The following PCDHGA6 variants were observed in gnomAD, a reference collection of about 807,000 sequenced individuals.
PCDHGA6 encodes the protein protocadherin gamma subfamily A, 6.
Under a neutral mutation model 60.6 loss-of-function variants are expected in PCDHGA6, and 41 were observed. The ratio of observed to expected loss-of-function variants is 0.68; its 90% CI spans 0.53 to 0.88. PCDHGA6 has a LOEUF of 0.88. Ranked by LOEUF, PCDHGA6 falls within the 40% of genes least tolerant of loss-of-function variation. The probability of loss-of-function intolerance (pLI) is 0.00; values close to 1 mark genes in which losing one functional copy is unlikely to be tolerated. For missense variants in PCDHGA6, 1,312 were observed against 1,203.0 expected, an observed-to-expected ratio of 1.09 and a Z score of -1.34; for synonymous variants, 594 against 524.4, an observed-to-expected ratio of 1.13 and a Z score of -1.81.
intron 1 of PCDHGA6, chr5:141,378,129 A>G (rs974715464): frequency 1.3e-5 from 2 of 152,224 alleles, no homozygotes; most frequent in African/African-American, 4.8e-5. Context: ...GTATTTGTTG[A>G]CATCACCATT....
At chr5:141,440,106 T>A (rs1288263875) in intron 1 of PCDHGA6, 1 of 152,228 alleles carries the variant, frequency 6.6e-6, no homozygotes, top group East Asian at 1.9e-4. Flanking sequence ...AGTGGAGACT[T>A]ACTTGTGAAT....
Position 141,375,036 on chromosome 5 carries a change from G to GT in PCDHGA6, c.954dup (p.Val319CysfsTer2), listed in dbSNP as rs747497967. 1.9e-6 allele frequency: 3 copies of GT among 1,614,002 alleles called. No homozygotes were observed. Among genetic ancestry groups the GT allele is most frequent in the Non-Finnish European group, 2.5e-6 (3 of 1,179,892 alleles). On this transcript the variant is annotated frameshift_variant, in exon 1 of 4. Transcript: ENST00000517434. LOFTEE classifies it high-confidence loss of function. ...GAGGACTCGAGTTTTTATGAGCTGGGTGTTGAAGCCCGGGATGGGCCAGGT... is the reference window on the plus strand; with the variant it reads ...GAGGACTCGAGTTTTTATGAGCTGGGTTGTTGAAGCCCGGGATGGGCCAGGT...
chr5:141,394,184 C>G, intron 1 of PCDHGA6: 1 of 1,613,944 alleles, frequency 6.2e-7, no homozygotes, highest in Non-Finnish European at 8.5e-7. Context: ...ATGCCTCCTA[C>G]TCAGCGTATA....
chr5:141,489,085 G>A lies in PCDHGA6; in HGVS notation c.2425-5722G>A, dbSNP rs1347512723. The A allele has an allele frequency of 2.6e-5, 6 of 230,066 alleles. No homozygotes were observed. The South Asian group carries it at 4.3e-4, about 16-fold the overall frequency. 14.3% of individuals were successfully genotyped at this position (230,066 alleles called of 1,614,324 possible). A position where few individuals can be genotyped will look rare whatever the true frequency, so the allele number is the denominator to read the frequency against. Reference sequence around the variant, plus strand: ...TCCCCCCTGCCCACCCCCGCCACTCGGTGACTAAGAACTGCTGCAAGCAGG... The same window carrying A: ...TCCCCCCTGCCCACCCCCGCCACTCAGTGACTAAGAACTGCTGCAAGCAGG... On this transcript the variant is annotated intron_variant, in intron 1 of 3. Coordinates refer to ENST00000517434, the MANE Select transcript of PCDHGA6 (RefSeq NM_018919.3). The surrounding 1 kb of genome is among the most constrained non-coding windows in gnomAD (Gnocchi z 4.5).
chr5:141,435,603 T>C (rs1195458514), intron 1 of PCDHGA6, among the ~76,000 whole-genome samples: 1 of 152,218 alleles, frequency 6.6e-6, no homozygotes, highest in African/African-American at 2.4e-5. Flanking sequence ...GCCTGCTTTT[T>C]ACATTAAATT....
At chr5:141,412,729 T>C (rs1411212101) in intron 1 of PCDHGA6, 1 of 153,332 alleles carries the variant, frequency 6.5e-6, no homozygotes, top group Non-Finnish European at 1.5e-5. Flanking sequence ...GAAAACGTGT[T>C]GCAAATATAT....
chr5:141,471,658 G>T (rs1354815239), intron 1 of PCDHGA6: 1 of 152,106 alleles, frequency 6.6e-6, no homozygotes, highest in Admixed American at 6.5e-5. Flanking sequence ...ATGTGGGGAT[G>T]CAGAAAAAAA....
At chr5:141,438,136 A>C (rs2097931548) in intron 1 of PCDHGA6, among the ~76,000 whole-genome samples, 1 of 152,186 alleles carries the variant, frequency 6.6e-6, no homozygotes, top group Non-Finnish European at 1.5e-5. Flanking sequence ...TAATGGCAAA[A>C]GATAGCCAGC....
chr5:141,387,088 C>T (rs2090815090), intron 1 of PCDHGA6, among the ~76,000 whole-genome samples: 2 of 152,074 alleles, frequency 1.3e-5, no homozygotes, highest in Non-Finnish European at 1.5e-5. Context: ...CTGTGATCAT[C>T]GAAATGAGAA....
At chr5:141,409,050 G>C (rs371257178) in intron 1 of PCDHGA6, 1 of 1,613,988 alleles carries the variant, frequency 6.2e-7, no homozygotes. Context: ...TACTTCCGAA[G>C]CACTGCCCAG....
Position 141,413,494 on chromosome 5 carries a change from G to T in PCDHGA6, c.2424+36987G>T, listed in dbSNP as rs778441176. On this transcript the variant is annotated intron_variant, in intron 1 of 3. Transcript: ENST00000517434. ...GCTCTGCGCTCAGAGCGCGCGGTGCGTGGTGAGTTTTAATATCCTTGTGGA... is the reference window on the plus strand; with the variant it reads ...GCTCTGCGCTCAGAGCGCGCGGTGCTTGGTGAGTTTTAATATCCTTGTGGA... The T allele has an allele frequency of 5.0e-6, 8 of 1,614,042 alleles. No individual in the cohort carries two copies. The East Asian group carries it at 1.3e-4, about 27-fold the overall frequency.
intron 1 of PCDHGA6, chr5:141,405,082 G>C: frequency 6.2e-7 from 1 of 1,613,794 alleles, no homozygotes; most frequent in East Asian, 2.2e-5. Context: ...TCGTTATCAC[G>C]CTGCTGGCCC....
chr5:141,462,668 T>C (rs778396861), intron 1 of PCDHGA6, among the ~76,000 whole-genome samples: 10 of 152,232 alleles, frequency 6.6e-5, no homozygotes, highest in Non-Finnish European at 1.5e-4. Flanking sequence ...CTTCATATTT[T>C]TCTTTAAATT....
intron 1 of PCDHGA6, chr5:141,397,972 G>T: frequency 2.6e-6 from 3 of 1,155,564 alleles, no homozygotes; most frequent in Non-Finnish European, 3.6e-6. Flanking sequence ...ACTCCCCAGC[G>T]CCGGCCTTTA....
At chr5:141,422,503 A>G (rs2096653107) in intron 1 of PCDHGA6, 2 of 1,613,924 alleles carry the variant, frequency 1.2e-6, no homozygotes, top group Non-Finnish European at 1.7e-6. Context: ...GTTGACAGCC[A>G]CAGACCAGGG....
chr5:141,409,828 C>CG (rs2095322406), intron 1 of PCDHGA6: 1 of 1,611,010 alleles, frequency 6.2e-7, no homozygotes, highest in African/African-American at 1.3e-5. Flanking sequence ...CGCCCACGCT[C>CG]AGCGCCAACG....
rs926566427 is a variant in PCDHGA6, at chr5:141,505,127, A to T, written c.2484-266A>T. Among the ~76,000 whole-genome samples, 9 of 152,158 alleles carry T rather than the reference A, an allele frequency of 5.9e-5. No homozygotes were observed. The East Asian group carries it at 1.5e-3, about 26-fold the overall frequency. The stretch of plus-strand genomic sequence containing the variant: ...CAATGAGCCAAGATCGCGCCACTGC[A>T]CTCCAGCCTGGATGACAGAGTAAGA... On this transcript the variant is annotated intron_variant, in intron 2 of 3. Transcript: ENST00000517434.
intron 1 of PCDHGA6, among the ~76,000 whole-genome samples, chr5:141,448,861 C>T (rs1017826063): frequency 2.0e-5 from 3 of 152,118 alleles, no homozygotes; most frequent in African/African-American, 7.2e-5. Flanking sequence ...AGGAGAATGG[C>T]GTGAACCTGG....
chr5:141,489,701 T>C lies in PCDHGA6; in HGVS notation c.2425-5106T>C, dbSNP rs1038902932. The C allele has an allele frequency of 1.9e-6, 3 of 1,614,128 alleles. No homozygotes were observed. The highest frequency in any genetic ancestry group is 2.5e-6 in the Non-Finnish European group (3 of 1,179,944). On this transcript the variant is annotated intron_variant, in intron 1 of 3. Transcript: ENST00000517434. The surrounding 1 kb of genome is among the most constrained non-coding windows in gnomAD (Gnocchi z 4.5). ...GCAGCATCTGGGGCACGATTCCCAC[T>C]GGACAGTGCCCAGGATCCGGATGTG...
Sources: allele counts gnomAD v4.1 joint callset (sites outside exome capture counted in the v4.1 genomes callset), GRCh38; gene constraint gnomAD v4.1.1; non-coding constraint Gnocchi (gnomAD v3.1); transcripts MANE v1.5; gene names NCBI Gene and HGNC (gene_info 2026-07-23, HGNC 2026-07-21).